The following AK3 variants were observed in gnomAD, a reference collection of about 807,000 sequenced individuals.
The protein encoded by AK3 is GTP:AMP phosphotransferase AK3, mitochondrial.
In AK3, 27 loss-of-function variants were observed where a neutral mutation model predicts 23.7. That is an observed-to-expected ratio of 1.14 (90% CI 0.84 to 1.57). The LOEUF (loss-of-function observed/expected upper bound fraction) is 1.57. AK3 is among the 40% of genes most tolerant of loss of function. The probability of loss-of-function intolerance (pLI) is 0.00; values close to 1 mark genes in which losing one functional copy is unlikely to be tolerated. For missense variants in AK3, 406 were observed against 285.6 expected (o/e 1.42, Z -3.04); for synonymous variants, 159 against 116.0 (o/e 1.37, Z -2.38).
chr9:4,722,045 A>G (rs1378646833), intron 2 of AK3, among the ~76,000 whole-genome samples: 1 of 152,222 alleles, frequency 6.6e-6, no homozygotes, highest in African/African-American at 2.4e-5. Context: ...CTTCTTGAAG[A>G]AAAGGCTTAT....
chr9:4,740,724 C>A lies in AK3; in HGVS notation c.151+213G>T, dbSNP rs556069749. Among the ~76,000 whole-genome samples, 3 of 152,302 alleles carry A rather than the reference C, an allele frequency of 2.0e-5. No individual in the cohort carries two copies. The East Asian group carries it at 5.8e-4, about 29-fold the overall frequency. On this transcript the variant is annotated intron_variant, in intron 1 of 4. Transcript: ENST00000381809. Reference sequence around the variant, plus strand: ...CTCGACCTAACTTTCCAGTCCCTTCCCCCACCGCCACCCCATAACCCGCCC... The same window carrying A: ...CTCGACCTAACTTTCCAGTCCCTTCACCCACCGCCACCCCATAACCCGCCC...
chr9:4,718,439 CTTTG>C lies in AK3; in HGVS notation c.539_542del (p.Thr180SerfsTer53). On this transcript the variant is annotated frameshift_variant, in exon 4 of 5. Coordinates refer to ENST00000381809, the MANE Select transcript of AK3 (RefSeq NM_016282.4). LOFTEE classifies it high-confidence loss of function. ...CTCACTGGTAATATTCCAGGACTGG[CTTTG>C]TTTGGTCTTCATAAGCCTTTAGTCT... 1 of 1,612,596 alleles carries C rather than the reference CTTTG, an allele frequency of 6.2e-7. No individual in the cohort carries two copies. The highest frequency in any genetic ancestry group is 8.5e-7 in the Non-Finnish European group (1 of 1,179,682).
chr9:4,728,850 T>TACAC (rs772699346), intron 1 of AK3, among the ~76,000 whole-genome samples: 1,734 of 23,374 alleles, frequency 0.074, 39 homozygotes, highest in African/African-American at 0.15. Context: ...TATATATATA[T>TACAC]ATATATATAT....
At chr9:4,737,694 G>C (rs996769375) in intron 1 of AK3, among the ~76,000 whole-genome samples, 1 of 152,112 alleles carries the variant, frequency 6.6e-6, no homozygotes, top group Non-Finnish European at 1.5e-5. Context: ...ACTCCAGCCT[G>C]GGCGACAGAG....
At chr9:4,732,535 C>G (rs1842179172) in intron 1 of AK3, among the ~76,000 whole-genome samples, 1 of 151,954 alleles carries the variant, frequency 6.6e-6, no homozygotes, top group African/African-American at 2.4e-5. Context: ...ACACAAAAGG[C>G]AGTTTAAAAG....
chr9:4,713,254 G>A (rs1318010689), intron 4 of AK3, among the ~76,000 whole-genome samples, 158 bp from the exon 5 acceptor site: 1 of 152,072 alleles, frequency 6.6e-6, no homozygotes, highest in Non-Finnish European at 1.5e-5. Context: ...GCTGGGCATT[G>A]GAAAATGTAC....
intron 1 of AK3, among the ~76,000 whole-genome samples, chr9:4,739,146 C>T (rs1359222653): frequency 2.0e-5 from 3 of 152,012 alleles, no homozygotes; most frequent in South Asian, 4.1e-4. Context: ...TACCTAACTA[C>T]TTCAGTATGT....
At chr9:4,726,363 C>T (rs370364359) in intron 1 of AK3, among the ~76,000 whole-genome samples, 8 of 152,198 alleles carry the variant, frequency 5.3e-5, no homozygotes, top group African/African-American at 1.9e-4. Flanking sequence ...TCTTTCAAAA[C>T]TGTAGTCTAT....
intron 1 of AK3, among the ~76,000 whole-genome samples, chr9:4,735,466 G>C (rs71490243): frequency 2.1e-5 from 1 of 46,934 alleles, no homozygotes; most frequent in African/African-American, 6.8e-5. Context: ...TAGTATATGT[G>C]TATATATATA....
chr9:4,731,574 T>TAAA (rs33935556), intron 1 of AK3, among the ~76,000 whole-genome samples: 8 of 146,644 alleles, frequency 5.5e-5, no homozygotes, highest in East Asian at 2.0e-4. Flanking sequence ...GAAGCTTACT[T>TAAA]AAAAAAAAAA....
upstream of AK3, chr9:4,741,918 CA>C (rs1208225315): frequency 3.3e-5 from 5 of 151,606 alleles, no homozygotes; most frequent in Non-Finnish European, 7.4e-5. Flanking sequence ...CCTCTCTTCC[CA>C]CTCCCTCTCT....
In AK3 at chr9:4,718,465, G is replaced by C; in HGVS notation, c.517C>G (p.Leu173Val). ...DDKPETVIKR[L>V]KAYEDQTKPV... Reference sequence around the variant, plus strand: ...TTTGTTTGGTCTTCATAAGCCTTTAGTCTCTTGATAACCGTCTCTGGTTTA... The same window carrying C: ...TTTGTTTGGTCTTCATAAGCCTTTACTCTCTTGATAACCGTCTCTGGTTTA... Residue 173 changes from leucine (L) to valine (V), a missense_variant, in exon 4 of 5, where the codon CTA becomes GTA. Physicochemically the swap from Leu to Val is conservative, Grantham distance 32. Coordinates refer to ENST00000381809, the MANE Select transcript of AK3 (RefSeq NM_016282.4). 1.2e-6 allele frequency: 2 copies of C among 1,613,504 alleles called. No individual in the cohort carries two copies. The highest frequency in any genetic ancestry group is 1.7e-6 in the Non-Finnish European group (2 of 1,179,822).
chr9:4,730,204 T>C (rs1417927704), intron 1 of AK3, among the ~76,000 whole-genome samples: 2 of 152,214 alleles, frequency 1.3e-5, no homozygotes, highest in Admixed American at 6.5e-5. Flanking sequence ...TGACTGCTAA[T>C]GAGAACAGCG....
intron 4 of AK3, among the ~76,000 whole-genome samples, chr9:4,713,993 T>TACACGCCTACGCATATAC (rs1587633644): frequency 1.6e-4 from 3 of 18,962 alleles, no homozygotes; most frequent in Admixed American, 6.6e-4. Flanking sequence ...CCTACACATA[T>TACACGCCTACGCATATAC]ACGCCTACAC....
intron 2 of AK3, among the ~76,000 whole-genome samples, chr9:4,720,060 T>C (rs1841854222): frequency 6.6e-6 from 1 of 151,872 alleles, no homozygotes; most frequent in Non-Finnish European, 1.5e-5. Flanking sequence ...GCAAGACTCC[T>C]CAAAAACAAA....
At position 4,741,123 on chromosome 9, in the gene AK3, G is replaced by A. The variant is rs1043749432; in HGVS notation, c.-36C>T. Reference sequence around the variant, plus strand: ...TGAGGCCCGCACCGCGCGGGTACCAGGGCTTTGGCCTGGCCTGCGCGCTCA... The same window carrying A: ...TGAGGCCCGCACCGCGCGGGTACCAAGGCTTTGGCCTGGCCTGCGCGCTCA... On this transcript the variant is annotated 5_prime_UTR_variant, in exon 1 of 5. Coordinates refer to ENST00000381809, the MANE Select transcript of AK3 (RefSeq NM_016282.4). 6.8e-7 allele frequency: 1 copy of A among 1,473,282 alleles called. No individual in the cohort carries two copies. The highest frequency in any genetic ancestry group is 9.0e-7 in the Non-Finnish European group (1 of 1,111,796). The allele number at this position is 1,473,282 out of a possible 1,614,324, so 91.3% of individuals were successfully genotyped here. A position where few individuals can be genotyped will look rare whatever the true frequency, so the allele number is the denominator to read the frequency against.
intron 1 of AK3, among the ~76,000 whole-genome samples, chr9:4,736,329 G>A (rs1035409606): frequency 3.3e-5 from 5 of 151,984 alleles, no homozygotes; most frequent in African/African-American, 4.8e-5. Context: ...GCTATAATCT[G>A]TGTTTTAAAA....
At chr9:4,738,100 C>T (rs1057266256) in intron 1 of AK3, among the ~76,000 whole-genome samples, 2 of 152,114 alleles carry the variant, frequency 1.3e-5, no homozygotes, top group Non-Finnish European at 2.9e-5. Flanking sequence ...TTTATTACAA[C>T]AAACAATAGT....
chr9:4,741,334 G>A (rs931122512), upstream of AK3: 232 of 340,196 alleles, frequency 6.8e-4, 2 homozygotes, highest in East Asian at 1.0e-2. Flanking sequence ...GCCTGTTCCC[G>A]CCCAGCCGCG....
Sources: allele counts gnomAD v4.1 joint callset (sites outside exome capture counted in the v4.1 genomes callset), GRCh38; gene constraint gnomAD v4.1.1; transcripts MANE v1.5; gene names NCBI Gene and HGNC (gene_info 2026-07-23, HGNC 2026-07-21).